The following CHRNA3 variants were observed in gnomAD, a reference collection of about 807,000 sequenced individuals.
CHRNA3 encodes the protein cholinergic receptor nicotinic alpha 3 subunit.
Under a neutral mutation model 41.9 loss-of-function variants are expected in CHRNA3, and 34 were observed. The ratio of observed to expected loss-of-function variants is 0.81; its 90% CI spans 0.62 to 1.08. The LOEUF (loss-of-function observed/expected upper bound fraction) is 1.08, where lower values mean the gene tolerates loss of function less well. CHRNA3 is among the 50% of genes least tolerant of loss of function. CHRNA3 has a pLI of 0.00. For synonymous variants in CHRNA3, 281 were observed against 265.2 expected (o/e 1.06, Z -0.58); for missense variants, 542 against 638.3 (o/e 0.85, Z 1.63).
Position 78,618,807 on chromosome 15 carries a change from A to G in CHRNA3, c.191T>C (p.Phe64Ser), listed in dbSNP as rs763384023. The G allele has an allele frequency of 6.2e-7, 1 of 1,614,116 alleles. No individual in the cohort carries two copies. The highest frequency in any genetic ancestry group is 1.1e-5 in the South Asian group (1 of 91,086). Residue 64 changes from phenylalanine to serine, a missense_variant, in exon 2 of 6, where the codon TTC becomes TCC. Coordinates refer to ENST00000326828, the MANE Select transcript of CHRNA3 (RefSeq NM_000743.5). ...ANVSDPVIIH[F>S]EVSMSQLVKV... ...CACCAGCTGAGACATGGACACCTCGAAATGGATGATGACTGGGTCAGACAC... is the reference window on the plus strand; with the variant it reads ...CACCAGCTGAGACATGGACACCTCGGAATGGATGATGACTGGGTCAGACAC...
downstream of CHRNA3, chr15:78,594,136 G>A (rs1159060189): frequency 6.6e-6 from 1 of 152,066 alleles, no homozygotes; most frequent in East Asian, 1.9e-4. Context: ...CTCCTTTAAG[G>A]CTTACTTTAT....
rs201699381 is a variant in CHRNA3, at chr15:78,601,961, G to C, written c.681C>G (p.Ile227Met). Residue 227 changes from isoleucine (I) to methionine (M), a missense_variant, in exon 5 of 6, where the codon ATC becomes ATG. Physicochemically the swap from Ile to Met is conservative, Grantham distance 10. Transcript: ENST00000326828. ...ACAGCGAGTATGTGATGTCGGGGTAGATCTCCTCGCAGCAGTTGTACTTGA... is the reference window on the plus strand; with the variant it reads ...ACAGCGAGTATGTGATGTCGGGGTACATCTCCTCGCAGCAGTTGTACTTGA... ...HDIKYNCCEE[I>M]YPDITYSLYI... The C allele has an allele frequency of 6.2e-7, 1 of 1,613,712 alleles. No individual in the cohort carries two copies. Among genetic ancestry groups the C allele is most frequent in the Non-Finnish European group, 8.5e-7 (1 of 1,179,686 alleles).
intron 4 of CHRNA3, among the ~76,000 whole-genome samples, chr15:78,609,710 C>A (rs370202284): frequency 6.6e-6 from 1 of 152,050 alleles, no homozygotes; most frequent in African/African-American, 2.4e-5. Context: ...AATGACAGGA[C>A]CAAATTCACA....
intron 4 of CHRNA3, among the ~76,000 whole-genome samples, chr15:78,606,321 C>T (rs1254258735): frequency 3.2e-5 from 3 of 95,136 alleles, no homozygotes; most frequent in African/African-American, 1.1e-4. Context: ...AGCAAAAAAA[C>T]AGAAGATGTC....
intron 4 of CHRNA3, among the ~76,000 whole-genome samples, chr15:78,603,719 C>T (rs1006593115): frequency 6.6e-6 from 1 of 152,104 alleles, no homozygotes; most frequent in African/African-American, 2.4e-5. Context: ...TGAGCAGGAT[C>T]ATTACCCATG....
chr15:78,617,152 G>C lies in CHRNA3; in HGVS notation c.268-19C>G, dbSNP rs1264240297. ...TCCAGATCTCGGGGAAGGAAGCAGGGAGGGAGAAGGAGACGGTAAAAGAAT... is the reference window on the plus strand; with the variant it reads ...TCCAGATCTCGGGGAAGGAAGCAGGCAGGGAGAAGGAGACGGTAAAAGAAT... On this transcript the variant is annotated intron_variant, in intron 3 of 5. Coordinates refer to ENST00000326828, the MANE Select transcript of CHRNA3 (RefSeq NM_000743.5). The C allele has an allele frequency of 1.3e-6, 2 of 1,512,056 alleles. No individual in the cohort carries two copies. Among genetic ancestry groups the C allele is most frequent in the African/African-American group, 1.4e-5 (1 of 72,852 alleles). The allele number at this position is 1,512,056 out of a possible 1,614,324, so 93.7% of individuals were successfully genotyped here. A position where few individuals can be genotyped will look rare whatever the true frequency, so the allele number is the denominator to read the frequency against.
At chr15:78,616,357 C>T (rs903199720) in intron 4 of CHRNA3, among the ~76,000 whole-genome samples, 7 of 122,478 alleles carry the variant, frequency 5.7e-5, no homozygotes, top group Admixed American at 1.6e-4. Flanking sequence ...TCTTCCCCCC[C>T]CCACCCCCCC....
Position 78,595,483 on chromosome 15 carries a change from C to CTGGT in CHRNA3, c.*1120_*1121insACCA. On this transcript the variant is annotated 3_prime_UTR_variant, in exon 6 of 6. Transcript: ENST00000326828. ...TTCTCAACCAGGGGCAATTTTGCTC[C>CTGGT]TAAGGGAACATTTAACAATGGAGAC... The CTGGT allele has an allele frequency of 1.2e-6, 1 of 860,322 alleles. No individual in the cohort carries two copies. The highest frequency in any genetic ancestry group is 1.4e-6 in the Non-Finnish European group (1 of 716,284). The allele number at this position is 860,322 out of a possible 1,614,324, so 53.3% of individuals were successfully genotyped here.
intron 4 of CHRNA3, among the ~76,000 whole-genome samples, chr15:78,615,962 G>A (rs560119206): frequency 2.7e-5 from 4 of 150,620 alleles, no homozygotes; most frequent in African/African-American, 4.9e-5. Context: ...GGCTGGTCTC[G>A]AACTCCTGGC....
chr15:78,618,618 T>G lies in CHRNA3; in HGVS notation c.266A>C (p.Gln89Pro). 1 of 1,614,156 alleles carries G rather than the reference T, an allele frequency of 6.2e-7. No homozygotes were observed. The highest frequency in any genetic ancestry group is 8.5e-7 in the Non-Finnish European group (1 of 1,180,028). Reference protein sequence around the residue: ...QIMETNLWLKQIWNDYKLKWN... With the variant: ...QIMETNLWLKPIWNDYKLKWN... The stretch of plus-strand genomic sequence containing the variant: ...AGTGCCTAGGGTCTGGTCACTTACT[T>G]GCTTGAGCCACAGGTTGGTCTCCAT... The change falls in exon 3 of 6, where the codon CAA (glutamine) becomes CCA (proline). Residue 89 changes from glutamine (Q) to proline (P), a missense_variant and splice_region_variant. By Grantham distance (76) the Gln-to-Pro change is moderately conservative. Coordinates refer to ENST00000326828, the MANE Select transcript of CHRNA3 (RefSeq NM_000743.5).
rs185108893 is a variant in CHRNA3 at position 78,609,579 on chromosome 15, C to T, written c.378-7315G>A. 3.8e-3 allele frequency among the ~76,000 whole-genome samples: 576 copies of T among 152,176 alleles called. 19 individuals are homozygous for T. The East Asian group carries it at 0.067, about 18-fold the overall frequency. On this transcript the variant is annotated intron_variant, in intron 4 of 5. Transcript: ENST00000326828. ...GCCCTAAAAGAGCTCCTGAAGGAAGCGCTAAACATGGAAAGGAACAACTGG... is the reference window on the plus strand; with the variant it reads ...GCCCTAAAAGAGCTCCTGAAGGAAGTGCTAAACATGGAAAGGAACAACTGG...
intron 5 of CHRNA3, among the ~76,000 whole-genome samples, chr15:78,598,814 G>T (rs2141321630): frequency 6.6e-6 from 1 of 150,954 alleles, no homozygotes; most frequent in African/African-American, 2.4e-5. Flanking sequence ...GGGATTGCAG[G>T]CGTCAGCCAC....
chr15:78,618,107 C>T (rs1567093647), intron 3 of CHRNA3, among the ~76,000 whole-genome samples: 1 of 152,084 alleles, frequency 6.6e-6, no homozygotes, highest in South Asian at 2.1e-4. Context: ...ATTAGCCAGA[C>T]GTGGTGGTGC....
At chr15:78,620,496 T>C (rs1021194564) in intron 1 of CHRNA3, among the ~76,000 whole-genome samples, 6 of 151,592 alleles carry the variant, frequency 4.0e-5, no homozygotes, top group Non-Finnish European at 7.4e-5. Context: ...CTCCCAGGTT[T>C]GGTGGTGGCT....
chr15:78,619,518 G>C (rs746122727), intron 1 of CHRNA3, among the ~76,000 whole-genome samples: 1 of 151,990 alleles, frequency 6.6e-6, no homozygotes, highest in Non-Finnish European at 1.5e-5. Flanking sequence ...CAGCCTCCGG[G>C]AGAACACAGC....
intron 3 of CHRNA3, chr15:78,618,280 AAGG>A: frequency 3.5e-6 from 1 of 285,104 alleles, no homozygotes; most frequent in East Asian, 7.4e-5. Context: ...AGAGGGAGAG[AAGG>A]AGGTGTCTCA....
At chr15:78,617,594 C>A (rs939448117) in intron 3 of CHRNA3, among the ~76,000 whole-genome samples, 5 of 152,136 alleles carry the variant, frequency 3.3e-5, no homozygotes, top group African/African-American at 1.2e-4. Context: ...AATCCATGAC[C>A]CCTGCAGGGC....
intron 4 of CHRNA3, among the ~76,000 whole-genome samples, chr15:78,615,655 A>AT (rs11418931): frequency 0.3 from 45,459 of 151,514 alleles, 7,956 homozygotes; most frequent in East Asian, 0.71. Context: ...AGGTATAGAG[A>AT]TTTTTTGGAT....
intron 4 of CHRNA3, among the ~76,000 whole-genome samples, chr15:78,604,709 G>A (rs537183630): frequency 7.2e-5 from 11 of 152,208 alleles, no homozygotes; most frequent in East Asian, 3.9e-4. Flanking sequence ...TTGACCTAAC[G>A]AATGACCAAA....
Sources: allele counts gnomAD v4.1 joint callset (sites outside exome capture counted in the v4.1 genomes callset), GRCh38; gene constraint gnomAD v4.1.1; transcripts MANE v1.5; gene names NCBI Gene and HGNC (gene_info 2026-07-23, HGNC 2026-07-21).